The following STXBP4 variants were observed in gnomAD, a reference collection of about 807,000 sequenced individuals.
The protein encoded by STXBP4 is syntaxin binding protein 4.
A neutral mutation model predicts 76.1 loss-of-function variants in STXBP4; 55 were observed. The observed-to-expected ratio is 0.72, with a 90% confidence interval of 0.58 to 0.91. The LOEUF (loss-of-function observed/expected upper bound fraction) is 0.91. STXBP4 is among the 40% of genes least tolerant of loss of function. The pLI, the probability that STXBP4 is intolerant of heterozygous loss-of-function variation, is 0.00. For synonymous variants in STXBP4, 201 were observed against 220.2 expected (o/e 0.91, Z 0.77); for missense variants, 618 against 636.9 (o/e 0.97, Z 0.32).
chr17:55,065,320 G>T (rs1296594251), intron 12 of STXBP4, among the ~76,000 whole-genome samples: 1 of 152,064 alleles, frequency 6.6e-6, no homozygotes, highest in Non-Finnish European at 1.5e-5. Flanking sequence ...CTCTTGTTAT[G>T]TCTCGCTTTG....
chr17:54,999,375 G>T lies in STXBP4; in HGVS notation c.211G>T (p.Val71Phe), dbSNP rs145302995. ...DGRLKPGDQL[V>F]SVNKESMIGV... ...TCGTTTGAAGCCAGGAGATCAACTT[G>T]TCTCAGTCAACAAGGAATCTATGAT... Residue 71 changes from valine to phenylalanine, a missense_variant, in exon 5 of 18, where the codon GTC becomes TTC. Coordinates refer to ENST00000376352, the MANE Select transcript of STXBP4 (RefSeq NM_178509.6). 1 of 1,612,212 alleles carries T rather than the reference G, an allele frequency of 6.2e-7. No individual in the cohort carries two copies. Among genetic ancestry groups the T allele is most frequent in the Non-Finnish European group, 8.5e-7 (1 of 1,179,434 alleles).
Position 55,172,139 on chromosome 17 carries a change from G to A in STXBP4, c.*12228G>A, listed in dbSNP as rs751721739. ...CTGTAGGTAAGGTTTGACTCATCTG[G>A]GTTAGTAGTAAGAACAAACTTCCAA... On this transcript the variant is annotated 3_prime_UTR_variant, in exon 18 of 18. Transcript: ENST00000376352. The A allele has an allele frequency of 6.6e-6, 1 of 152,190 alleles. No homozygotes were observed. The highest frequency in any genetic ancestry group is 1.5e-5 in the Non-Finnish European group (1 of 68,056). 9.4% of individuals were successfully genotyped at this position (152,190 alleles called of 1,614,324 possible).
the STXBP4 span, among the ~76,000 whole-genome samples, chr17:55,181,666 A>G: frequency 6.6e-6 from 1 of 152,224 alleles, no homozygotes; most frequent in South Asian, 2.1e-4. Context: ...CTTAAAAATA[A>G]TCGCTAAAGT....
intron 17 of STXBP4, among the ~76,000 whole-genome samples, chr17:55,149,899 G>A (rs868079111): frequency 4.6e-5 from 7 of 152,308 alleles, no homozygotes; most frequent in Middle Eastern, 6.8e-3. Flanking sequence ...AGAACATCCA[G>A]ACCTAAATAT....
chr17:55,177,697 G>A (rs2080436174), downstream of STXBP4, among the ~76,000 whole-genome samples: 2 of 152,334 alleles, frequency 1.3e-5, no homozygotes, highest in South Asian at 2.1e-4. Flanking sequence ...GAATGGCTGA[G>A]TGAGGCTTTG....
At chr17:55,000,051 T>C (rs1485222140) in intron 6 of STXBP4, among the ~76,000 whole-genome samples, 3 of 152,194 alleles carry the variant, frequency 2.0e-5, no homozygotes, top group Admixed American at 1.3e-4. Context: ...AGGAGCATGA[T>C]TGGTTAGAAA....
At chr17:55,199,474 G>A in the STXBP4 span, among the ~76,000 whole-genome samples, 3 of 152,078 alleles carry the variant, frequency 2.0e-5, no homozygotes, top group African/African-American at 4.8e-5. Context: ...CCTGTTTCTC[G>A]ATTCTGAAAG....
chr17:55,006,831 A>G (rs2078016647), intron 7 of STXBP4, among the ~76,000 whole-genome samples: 1 of 152,226 alleles, frequency 6.6e-6, no homozygotes, highest in South Asian at 2.1e-4. Context: ...AATACACATC[A>G]CAAAACACTT....
chr17:55,118,942 T>TTATATA (rs35478073), intron 16 of STXBP4, among the ~76,000 whole-genome samples: 42 of 147,296 alleles, frequency 2.9e-4, no homozygotes, highest in East Asian at 1.2e-3. Context: ...ATTAACTGAT[T>TTATATA]TATATATATA....
chr17:55,127,403 A>G (rs1283130682), intron 16 of STXBP4, among the ~76,000 whole-genome samples: 2 of 152,178 alleles, frequency 1.3e-5, no homozygotes, highest in East Asian at 1.9e-4. Flanking sequence ...ACTGTTGTGA[A>G]CATTCAAGGA....
rs1294669468 is a variant in STXBP4, at chr17:55,165,146, C to T, written c.*5235C>T. The T allele has an allele frequency of 1.3e-5, 2 of 152,102 alleles. No individual in the cohort carries two copies. Among genetic ancestry groups the T allele is most frequent in the Non-Finnish European group, 2.9e-5 (2 of 68,014 alleles). 9.4% of individuals were successfully genotyped at this position (152,102 alleles called of 1,614,324 possible). ...GAAAAAAGCATGTTCTTTTGCATTT[C>T]AAAAATTTAGCTCCTTGGGGAACTA... On this transcript the variant is annotated 3_prime_UTR_variant, in exon 18 of 18. Transcript: ENST00000376352.
chr17:55,196,936 C>G, the STXBP4 span, among the ~76,000 whole-genome samples: 203 of 152,276 alleles, frequency 1.3e-3, 1 homozygote, highest in Middle Eastern at 6.8e-3. Flanking sequence ...CAACATGTTT[C>G]TAATAGATCC....
intron 8 of STXBP4, among the ~76,000 whole-genome samples, chr17:55,029,786 C>A (rs546405036): frequency 6.6e-6 from 1 of 152,050 alleles, no homozygotes; most frequent in Non-Finnish European, 1.5e-5. Context: ...TTACTTATTT[C>A]TTTACAGTTG....
intron 16 of STXBP4, among the ~76,000 whole-genome samples, chr17:55,112,798 G>T (rs1315274651): frequency 6.6e-6 from 1 of 152,118 alleles, no homozygotes; most frequent in East Asian, 1.9e-4. Context: ...TTCAGAGGAG[G>T]AAGAGGGGCC....
At chr17:55,136,323 T>C (rs372093554) in intron 16 of STXBP4, among the ~76,000 whole-genome samples, 12 of 152,242 alleles carry the variant, frequency 7.9e-5, no homozygotes, top group East Asian at 5.8e-4. Context: ...AGCTAAGAGA[T>C]GGATAGCCAC....
At chr17:55,099,638 A>G (rs2079539704) in intron 16 of STXBP4, among the ~76,000 whole-genome samples, 1 of 152,178 alleles carries the variant, frequency 6.6e-6, no homozygotes, top group South Asian at 2.1e-4. Flanking sequence ...ACAGTGCATG[A>G]CTCTACCTAC....
the STXBP4 span, among the ~76,000 whole-genome samples, chr17:55,200,087 G>T: frequency 1.3e-4 from 20 of 152,128 alleles, no homozygotes; most frequent in Non-Finnish European, 2.4e-4. Context: ...ACCACAGTTT[G>T]TTATTTATAT....
chr17:55,108,137 G>C (rs1388517015), intron 16 of STXBP4, among the ~76,000 whole-genome samples: 1 of 152,220 alleles, frequency 6.6e-6, no homozygotes, highest in Non-Finnish European at 1.5e-5. Flanking sequence ...GGAATCCAGA[G>C]AGGCAGTCTG....
In STXBP4 at chr17:55,172,898, G is replaced by A. The variant is rs530381919; in HGVS notation, c.*12987G>A. ...CTGAGTTCTAGTTACCTGCTGTGAAGGACTGTAGAGGTTATCTAAGCCAGC... is the reference window on the plus strand; with the variant it reads ...CTGAGTTCTAGTTACCTGCTGTGAAAGACTGTAGAGGTTATCTAAGCCAGC... On this transcript the variant is annotated 3_prime_UTR_variant, in exon 18 of 18. Transcript: ENST00000376352. 6.6e-6 allele frequency: 1 copy of A among 152,284 alleles called. No individual in the cohort carries two copies. Among genetic ancestry groups the A allele is most frequent in the African/African-American group, 2.4e-5 (1 of 41,544 alleles). 9.4% of individuals were successfully genotyped at this position (152,284 alleles called of 1,614,324 possible). A position where few individuals can be genotyped will look rare whatever the true frequency, so the allele number is the denominator to read the frequency against.
Sources: gnomAD v4.1 joint callset for allele counts (sites outside exome capture counted in the v4.1 genomes callset) on GRCh38, gnomAD v4.1.1 for gene constraint, MANE v1.5 for transcripts, NCBI Gene and HGNC (gene_info 2026-07-23, HGNC 2026-07-21) for gene names.